The following FBXL4 variants were observed in gnomAD, a reference collection of about 807,000 sequenced individuals.
FBXL4 encodes F-box and leucine rich repeat protein 4.
A neutral mutation model predicts 58.9 loss-of-function variants in FBXL4; 40 were observed. The ratio of observed to expected loss-of-function variants is 0.68; its 90% CI spans 0.53 to 0.88. FBXL4 has a LOEUF of 0.88. Ranked by LOEUF, FBXL4 falls within the 40% of genes least tolerant of loss-of-function variation. The probability of loss-of-function intolerance (pLI) is 0.00; values close to 1 mark genes in which losing one functional copy is unlikely to be tolerated. For synonymous variants in FBXL4, 263 were observed against 265.5 expected (o/e 0.99, Z 0.09); for missense variants, 676 against 734.4 (o/e 0.92, Z 0.92).
chr6:98,882,700 A>C (rs1056570281), intron 7 of FBXL4, among the ~76,000 whole-genome samples: 1 of 152,074 alleles, frequency 6.6e-6, no homozygotes, highest in Non-Finnish European at 1.5e-5. Flanking sequence ...CCTCAGAGGT[A>C]ACCTTTATTA....
Position 98,872,116 on chromosome 6 carries a change from T to C in FBXL4, c.*2162A>G, listed in dbSNP as rs1260382313. The C allele has an allele frequency of 6.6e-6, 1 of 152,194 alleles. No homozygotes were observed. The highest frequency in any genetic ancestry group is 2.4e-5 in the African/African-American group (1 of 41,446). The allele number at this position is 152,194 out of a possible 1,614,324, so 9.4% of individuals were successfully genotyped here. A position where few individuals can be genotyped will look rare whatever the true frequency, so the allele number is the denominator to read the frequency against. ...CAAAAGGTAAGACAAAGAAGCGAGA[T>C]CTCCACTCTCACACAAATTTGTAGC... On this transcript the variant is annotated 3_prime_UTR_variant, in exon 10 of 10. Coordinates refer to ENST00000369244, the MANE Select transcript of FBXL4 (RefSeq NM_001278716.2).
At position 98,930,180 on chromosome 6, in the gene FBXL4, G is replaced by A. The variant is rs565226434; in HGVS notation, c.-190-2358C>T. Among the ~76,000 whole-genome samples the A allele has an allele frequency of 4.6e-5, 7 of 152,302 alleles. No individual in the cohort carries two copies. In the South Asian group the frequency reaches 1.4e-3, roughly 32 times the overall value. On this transcript the variant is annotated intron_variant, in intron 2 of 9. Transcript: ENST00000369244. ...AGATAGTCAGTGGACTCACCAAATG[G>A]AGGGATTTGCAGCACAAGAACAAGA...
At chr6:98,875,828 A>G (rs987095164) in intron 8 of FBXL4, 101 bp from the exon 9 acceptor site, 1 of 1,148,406 alleles carries the variant, frequency 8.7e-7, no homozygotes, top group Non-Finnish European at 1.3e-6. Context: ...CTTTGCTTCC[A>G]TGTAAACAAA....
At chr6:98,904,411 T>C (rs1771721942) in intron 6 of FBXL4, among the ~76,000 whole-genome samples, 1 of 152,196 alleles carries the variant, frequency 6.6e-6, no homozygotes. Context: ...ACTATCAAGC[T>C]CAGTATTTGG....
rs1463361720 is a variant in FBXL4 at position 98,871,391 on chromosome 6, T to A, written c.*2887A>T. 6.6e-6 allele frequency: 1 copy of A among 152,204 alleles called. No homozygotes were observed. Among genetic ancestry groups the A allele is most frequent in the Non-Finnish European group, 1.5e-5 (1 of 68,038 alleles). The allele number at this position is 152,204 out of a possible 1,614,324, so 9.4% of individuals were successfully genotyped here. On this transcript the variant is annotated 3_prime_UTR_variant, in exon 10 of 10. Transcript: ENST00000369244. ...TTACTGACACTGCCTAGTTATTGCTTATTTGATAAGTCAATGCCAACGTTG... is the reference window on the plus strand; with the variant it reads ...TTACTGACACTGCCTAGTTATTGCTAATTTGATAAGTCAATGCCAACGTTG...
At chr6:98,912,067 A>C (rs1047499431) in intron 5 of FBXL4, among the ~76,000 whole-genome samples, 3 of 152,242 alleles carry the variant, frequency 2.0e-5, no homozygotes, top group Non-Finnish European at 4.4e-5. Flanking sequence ...ACTGGAAGAA[A>C]GGTTATCAGT....
chr6:98,909,052 T>C lies in FBXL4; in HGVS notation c.859-3382A>G, dbSNP rs143366778. Among the ~76,000 whole-genome samples, 185 of 152,338 alleles carry C rather than the reference T, an allele frequency of 1.2e-3. No homozygotes were observed. The South Asian group carries it at 0.015, about 12-fold the overall frequency. ...TGTTTGCATTTTAATTGGGACTTCA[T>C]TGAATACACTGATTAAGGAAAACCG... is the stretch of plus-strand genomic sequence containing the variant. On this transcript the variant is annotated intron_variant, in intron 5 of 9. Coordinates refer to ENST00000369244, the MANE Select transcript of FBXL4 (RefSeq NM_001278716.2).
intron 1 of FBXL4, among the ~76,000 whole-genome samples, chr6:98,938,750 A>T (rs866140232): frequency 8.8e-4 from 131 of 149,016 alleles, no homozygotes; most frequent in African/African-American, 2.7e-3. Flanking sequence ...CTTTTGTGGC[A>T]TTTTTTTTTT....
At chr6:98,934,057 T>C (rs747816419) in intron 2 of FBXL4, among the ~76,000 whole-genome samples, 1 of 152,176 alleles carries the variant, frequency 6.6e-6, no homozygotes, top group Non-Finnish European at 1.5e-5. Flanking sequence ...CTTCTGTTAG[T>C]ACAAAAGCAG....
At chr6:98,935,790 C>T (rs1415597007) in intron 1 of FBXL4, among the ~76,000 whole-genome samples, 2 of 24,884 alleles carry the variant, frequency 8.0e-5, no homozygotes, top group African/African-American at 8.5e-4. Flanking sequence ...AGCGAGACTC[C>T]GTCTCAAAAA....
At chr6:98,938,092 G>A (rs990864302) in intron 1 of FBXL4, among the ~76,000 whole-genome samples, 2 of 121,490 alleles carry the variant, frequency 1.6e-5, no homozygotes, top group African/African-American at 3.3e-5. Flanking sequence ...TGATTTCCTT[G>A]ATTGGTTCTG....
chr6:98,937,589 T>C (rs1353452397), intron 1 of FBXL4, among the ~76,000 whole-genome samples: 1 of 152,040 alleles, frequency 6.6e-6, no homozygotes, highest in Admixed American at 6.6e-5. Flanking sequence ...GGAGGGGTGG[T>C]CCTTGCCATT....
At chr6:98,899,592 T>A in intron 6 of FBXL4, 111 bp from the exon 7 acceptor site, 1 of 1,250,800 alleles carries the variant, frequency 8.0e-7, no homozygotes, top group Non-Finnish European at 1.1e-6. Context: ...AGATTTCTAT[T>A]AGGGAAAATG....
chr6:98,923,171 G>C (rs991673157), intron 4 of FBXL4, among the ~76,000 whole-genome samples: 15 of 152,142 alleles, frequency 9.9e-5, no homozygotes, highest in Middle Eastern at 3.4e-3. Flanking sequence ...CAGCTCTCTA[G>C]CAACTTTGCC....
At chr6:98,942,995 A>C (rs2128413710) in intron 1 of FBXL4, among the ~76,000 whole-genome samples, 1 of 152,220 alleles carries the variant, frequency 6.6e-6, no homozygotes, top group South Asian at 2.1e-4. Flanking sequence ...GTATATTCTG[A>C]CTGTGGTAGT....
intron 2 of FBXL4, among the ~76,000 whole-genome samples, chr6:98,934,261 A>C (rs541024516): frequency 6.6e-6 from 1 of 152,252 alleles, no homozygotes; most frequent in Admixed American, 6.5e-5. Flanking sequence ...ATGGCTGAAA[A>C]AGAATTTCTT....
At chr6:98,906,916 G>A (rs1771836443) in intron 5 of FBXL4, among the ~76,000 whole-genome samples, 1 of 152,146 alleles carries the variant, frequency 6.6e-6, no homozygotes, top group Admixed American at 6.5e-5. Context: ...TTTCTCTAAT[G>A]ACCAGTGATG....
At chr6:98,878,869 A>G (rs979487399) in intron 8 of FBXL4, among the ~76,000 whole-genome samples, 1 of 152,182 alleles carries the variant, frequency 6.6e-6, no homozygotes, top group Admixed American at 6.5e-5. Flanking sequence ...CATCGGGTCC[A>G]TCAAGAAGAG....
At chr6:98,912,402 A>T (rs1772125576) in intron 5 of FBXL4, among the ~76,000 whole-genome samples, 2 of 152,204 alleles carry the variant, frequency 1.3e-5, no homozygotes, top group South Asian at 4.1e-4. Context: ...AAATGAAGGA[A>T]AAAATGTTAA....
Sources: allele counts gnomAD v4.1 joint callset (sites outside exome capture counted in the v4.1 genomes callset), GRCh38; gene constraint gnomAD v4.1.1; transcripts MANE v1.5; gene names NCBI Gene and HGNC (gene_info 2026-07-23, HGNC 2026-07-21).